EPHA3: variants seen among roughly 807,000 people sequenced by gnomAD.
EPHA3 encodes EPH receptor A3.
EPHA3 carries 42 observed loss-of-function variants against 107.1 expected under a neutral mutation model. The ratio of observed to expected loss-of-function variants is 0.39; its 90% confidence interval spans 0.31 to 0.51. The LOEUF is 0.51. Among genes scored for constraint, EPHA3 ranks in the 20% least tolerant of loss-of-function variants. The pLI is 0.78. For missense variants in EPHA3, 1,183 were observed against 1,211.2 expected (o/e 0.98, Z 0.35); for synonymous variants, 461 against 424.8 (o/e 1.09, Z -1.05).
chr3:89,113,714 C>A (rs373624839), intron 1 of EPHA3, among the ~76,000 whole-genome samples: 12 of 147,110 alleles, frequency 8.2e-5, no homozygotes, highest in African/African-American at 3.1e-4. Flanking sequence ...CTAAAAACCC[C>A]GCACACTTAA....
At chr3:89,161,927 T>C (rs1704953131) in intron 2 of EPHA3, among the ~76,000 whole-genome samples, 1 of 151,650 alleles carries the variant, frequency 6.6e-6, no homozygotes, top group African/African-American at 2.4e-5. Flanking sequence ...CAGTGAGCCA[T>C]GATTGCACCA....
At chr3:89,301,362 C>G (rs1706484020) in intron 3 of EPHA3, among the ~76,000 whole-genome samples, 1 of 151,948 alleles carries the variant, frequency 6.6e-6, no homozygotes, top group African/African-American at 2.4e-5. Context: ...GATAATGTCA[C>G]TTTTTAGTAA....
At chr3:89,350,119 A>T (rs969432978) in intron 5 of EPHA3, among the ~76,000 whole-genome samples, 10 of 150,824 alleles carry the variant, frequency 6.6e-5, no homozygotes, top group Admixed American at 2.0e-4. Flanking sequence ...CTCGAGGAGT[A>T]TCTTTGTGGC....
At chr3:89,180,051 A>T (rs549470864) in intron 2 of EPHA3, among the ~76,000 whole-genome samples, 1 of 152,174 alleles carries the variant, frequency 6.6e-6, no homozygotes, top group South Asian at 2.1e-4. Context: ...TTAAAACAAA[A>T]TGCTGTAATC....
In EPHA3 at chr3:89,286,676, A is replaced by G. The variant is rs559285668; in HGVS notation, c.815-54240A>G. Reference sequence around the variant, plus strand: ...GAAAAATGTCATTTACTGTAAAAGGAAAAGACTGCTAGTGTAACAGGTTTT... The same window carrying G: ...GAAAAATGTCATTTACTGTAAAAGGGAAAGACTGCTAGTGTAACAGGTTTT... On this transcript the variant is annotated intron_variant, in intron 3 of 16. Coordinates refer to ENST00000336596, the MANE Select transcript of EPHA3 (RefSeq NM_005233.6). Among the ~76,000 whole-genome samples, 3 of 152,316 alleles carry G rather than the reference A, an allele frequency of 2.0e-5. No homozygotes were observed. The South Asian group carries it at 6.2e-4, about 32-fold the overall frequency.
intron 16 of EPHA3, among the ~76,000 whole-genome samples, chr3:89,476,782 G>T (rs1299318583): frequency 6.6e-6 from 1 of 151,306 alleles, no homozygotes; most frequent in Non-Finnish European, 1.5e-5. Context: ...TAATTTTTTT[G>T]TATTTTTAAT....
At chr3:89,284,198 T>A (rs1706021217) in intron 3 of EPHA3, among the ~76,000 whole-genome samples, 2 of 152,176 alleles carry the variant, frequency 1.3e-5, no homozygotes, top group Admixed American at 1.3e-4. Context: ...TTAAAGTCCA[T>A]ACTCATTTAC....
chr3:89,397,580 C>CTTTTT (rs35334618), intron 6 of EPHA3, among the ~76,000 whole-genome samples: 7 of 131,110 alleles, frequency 5.3e-5, no homozygotes, highest in East Asian at 2.1e-4. Context: ...GCATCATTGC[C>CTTTTT]TTTTTTTTTT....
intron 2 of EPHA3, among the ~76,000 whole-genome samples, chr3:89,200,686 T>A (rs978725704): frequency 6.6e-6 from 1 of 152,206 alleles, no homozygotes; most frequent in Admixed American, 6.5e-5. Context: ...TTGTCCAATA[T>A]CTTTCATTGT....
intron 13 of EPHA3, among the ~76,000 whole-genome samples, chr3:89,438,974 A>G (rs1709727023): frequency 6.6e-6 from 1 of 152,210 alleles, no homozygotes; most frequent in South Asian, 2.1e-4. Flanking sequence ...ATGTGGTGAA[A>G]AATTACAACT....
At chr3:89,341,123 T>C (rs776006969) in intron 4 of EPHA3, 52 bp downstream of exon 4, 2 of 1,566,824 alleles carry the variant, frequency 1.3e-6, no homozygotes, top group Non-Finnish European at 1.7e-6. Context: ...GTTTTCTTCT[T>C]GTTACTGTGC....
intron 2 of EPHA3, among the ~76,000 whole-genome samples, chr3:89,188,776 A>G (rs1332106696): frequency 6.6e-6 from 1 of 151,862 alleles, no homozygotes; most frequent in Admixed American, 6.6e-5. Context: ...CATCATTCAC[A>G]CCTCTTCCCA....
intron 3 of EPHA3, among the ~76,000 whole-genome samples, chr3:89,211,173 T>C (rs1704071298): frequency 6.6e-6 from 1 of 152,078 alleles, no homozygotes; most frequent in Admixed American, 6.6e-5. Flanking sequence ...TCCGTTAGGC[T>C]TGAATGCATA....
At chr3:89,130,927 C>T (rs538535763) in intron 2 of EPHA3, among the ~76,000 whole-genome samples, 6 of 152,272 alleles carry the variant, frequency 3.9e-5, no homozygotes, top group South Asian at 4.1e-4. Flanking sequence ...TGAGACACCG[C>T]GCCCGGTCCC....
intron 2 of EPHA3, among the ~76,000 whole-genome samples, 198 bp downstream of exon 2, chr3:89,127,471 T>C (rs571115715): frequency 6.6e-6 from 1 of 152,138 alleles, no homozygotes; most frequent in East Asian, 1.9e-4. Context: ...AGATTTTTTT[T>C]CTCCTTAATT....
intron 9 of EPHA3, among the ~76,000 whole-genome samples, chr3:89,409,719 C>T (rs959526408): frequency 6.6e-6 from 1 of 151,928 alleles, no homozygotes; most frequent in African/African-American, 2.4e-5. Flanking sequence ...TATTTCAGAC[C>T]TTTTATTTGG....
At chr3:89,363,846 T>C (rs1708140985) in intron 5 of EPHA3, among the ~76,000 whole-genome samples, 1 of 150,876 alleles carries the variant, frequency 6.6e-6, no homozygotes, top group African/African-American at 2.4e-5. Context: ...GGATCTTCAT[T>C]CTTCCTTGAG....
intron 3 of EPHA3, among the ~76,000 whole-genome samples, chr3:89,249,706 C>T (rs1403422439): frequency 6.6e-6 from 1 of 152,186 alleles, no homozygotes; most frequent in African/African-American, 2.4e-5. Context: ...AGCAATCTGC[C>T]TGCCTCAGCC....
At chr3:89,279,175 C>G (rs1469917030) in intron 3 of EPHA3, among the ~76,000 whole-genome samples, 9 of 152,074 alleles carry the variant, frequency 5.9e-5, no homozygotes, top group Non-Finnish European at 1.3e-4. Context: ...AGCTATGTCA[C>G]TGTTCCTTAG....
Sources: gnomAD v4.1 joint callset for allele counts (sites outside exome capture counted in the v4.1 genomes callset) on GRCh38, gnomAD v4.1.1 for gene constraint, MANE v1.5 for transcripts, NCBI Gene and HGNC (gene_info 2026-07-23, HGNC 2026-07-21) for gene names.